The following OXR1 variants were observed in gnomAD, a reference collection of about 807,000 sequenced individuals.
The protein encoded by OXR1 is oxidation resistance protein 1.
In OXR1, 41 loss-of-function variants were observed where a neutral mutation model predicts 104.6. That is an observed-to-expected ratio of 0.39 (90% confidence interval 0.31 to 0.51). The LOEUF is 0.51. Among genes scored for constraint, OXR1 ranks in the 20% least tolerant of loss-of-function variants. The pLI is 0.77. For missense variants in OXR1, 955 were observed against 1,031.9 expected (o/e 0.93, Z 1.02); for synonymous variants, 348 against 348.4 (o/e 1.00, Z 0.01).
chr8:106,494,312 T>C (rs1428383431), intron 2 of OXR1, among the ~76,000 whole-genome samples: 3 of 152,186 alleles, frequency 2.0e-5, no homozygotes, highest in Non-Finnish European at 4.4e-5. Flanking sequence ...TCAGTTTTTG[T>C]AGCATTTGAT....
chr8:106,386,239 A>C (rs1437015044), intron 2 of OXR1, among the ~76,000 whole-genome samples: 2 of 152,184 alleles, frequency 1.3e-5, no homozygotes, highest in Admixed American at 1.3e-4. Context: ...CAAGCCTATA[A>C]AGGGATATTG....
chr8:106,737,469 T>TGGG, intron 11 of OXR1, 51 bp from the exon 12 acceptor site: 1 of 287,526 alleles, frequency 3.5e-6, no homozygotes, highest in Non-Finnish European at 6.3e-6. Flanking sequence ...TTTTTTTTGC[T>TGGG]GTTTTTCTCA....
chr8:106,652,612 A>G (rs983779044), intron 3 of OXR1, among the ~76,000 whole-genome samples: 3 of 151,348 alleles, frequency 2.0e-5, no homozygotes, highest in Non-Finnish European at 4.4e-5. Flanking sequence ...GGACAGAACT[A>G]ATGAGGTATG....
At chr8:106,649,845 C>G (rs1483945100) in intron 3 of OXR1, among the ~76,000 whole-genome samples, 1 of 151,978 alleles carries the variant, frequency 6.6e-6, no homozygotes, top group Non-Finnish European at 1.5e-5. Flanking sequence ...TACAGGCACC[C>G]ACCGCCACGC....
intron 2 of OXR1, among the ~76,000 whole-genome samples, chr8:106,481,783 G>A (rs1021010661): frequency 5.3e-5 from 8 of 151,996 alleles, no homozygotes; most frequent in East Asian, 1.9e-4. Context: ...CTACTAGGTC[G>A]ATATTGTGTC....
intron 1 of OXR1, among the ~76,000 whole-genome samples, chr8:106,344,595 C>T (rs1260104995): frequency 6.6e-6 from 1 of 152,154 alleles, no homozygotes; most frequent in African/African-American, 2.4e-5. Flanking sequence ...CCTCGGCCTC[C>T]CAAAGTGGTG....
chr8:106,736,165 A>ACCCCCCCCCCCCC (rs5893803), intron 11 of OXR1, among the ~76,000 whole-genome samples: 5 of 145,604 alleles, frequency 3.4e-5, no homozygotes, highest in African/African-American at 4.9e-5. Context: ...TTTATCTGAC[A>ACCCCCCCCCCCCC]CCCCCCCCCA....
At chr8:106,449,995 A>C (rs1820225916) in intron 2 of OXR1, among the ~76,000 whole-genome samples, 1 of 152,224 alleles carries the variant, frequency 6.6e-6, no homozygotes, top group Non-Finnish European at 1.5e-5. Flanking sequence ...TTGATATTTC[A>C]TGAAGTCATA....
At chr8:106,721,590 GA>G (rs1437728100) in intron 11 of OXR1, among the ~76,000 whole-genome samples, 2 of 152,050 alleles carry the variant, frequency 1.3e-5, no homozygotes, top group Non-Finnish European at 2.9e-5. Flanking sequence ...TTGGGGTTTT[GA>G]AACAACCTGT....
At chr8:106,301,999 A>G (rs1348355486) in intron 1 of OXR1, among the ~76,000 whole-genome samples, 2 of 152,218 alleles carry the variant, frequency 1.3e-5, no homozygotes, top group African/African-American at 4.8e-5. Flanking sequence ...ACAAAAGTCA[A>G]TTTTGTTAAA....
At chr8:106,368,553 C>T (rs1157246717) in intron 2 of OXR1, among the ~76,000 whole-genome samples, 1 of 150,916 alleles carries the variant, frequency 6.6e-6, no homozygotes, top group Non-Finnish European at 1.5e-5. Context: ...CTCCCCTCAA[C>T]CCCCACCCCC....
At chr8:106,505,600 CCT>C (rs1240720475) in intron 2 of OXR1, among the ~76,000 whole-genome samples, 1 of 152,060 alleles carries the variant, frequency 6.6e-6, no homozygotes, top group Non-Finnish European at 1.5e-5. Context: ...TGAGAGACAA[CCT>C]ACTTAAAATT....
At chr8:106,542,709 G>C (rs1815050523) in intron 3 of OXR1, among the ~76,000 whole-genome samples, 1 of 151,644 alleles carries the variant, frequency 6.6e-6, no homozygotes, top group African/African-American at 2.4e-5. Flanking sequence ...ATATCATGCT[G>C]TTAGCAATAA....
At chr8:106,644,310 A>T (rs190480114) in intron 3 of OXR1, among the ~76,000 whole-genome samples, 2 of 152,354 alleles carry the variant, frequency 1.3e-5, no homozygotes, top group African/African-American at 4.8e-5. Flanking sequence ...TGAAAAGCAA[A>T]ATCATTAACA....
chr8:106,722,417 T>G (rs1316252479), intron 11 of OXR1, among the ~76,000 whole-genome samples: 1 of 152,036 alleles, frequency 6.6e-6, no homozygotes, highest in Non-Finnish European at 1.5e-5. Context: ...AAAAAAGAAA[T>G]CAGAAGGATT....
intron 2 of OXR1, among the ~76,000 whole-genome samples, chr8:106,456,953 G>C (rs1176791410): frequency 6.6e-6 from 1 of 152,140 alleles, no homozygotes; most frequent in African/African-American, 2.4e-5. Flanking sequence ...TCATCAAATT[G>C]ACCTTTAATT....
In OXR1 at chr8:106,658,196, C is replaced by G. The variant is rs375464002; in HGVS notation, c.221-21014C>G. On this transcript the variant is annotated intron_variant, in intron 3 of 16. Transcript: ENST00000517566. Reference sequence around the variant, plus strand: ...GCCCGGAGGGACCTGGTGAGCCCACCTTTCTTTCGCCTCCCGCGCGGCCGA... The same window carrying G: ...GCCCGGAGGGACCTGGTGAGCCCACGTTTCTTTCGCCTCCCGCGCGGCCGA... 33 of 1,237,288 alleles carry G rather than the reference C, an allele frequency of 2.7e-5. 1 individual carries two copies. In the African/African-American group the frequency reaches 3.6e-4, roughly 13 times the overall value. The allele number at this position is 1,237,288 out of a possible 1,614,324, so 76.6% of individuals were successfully genotyped here. A position where few individuals can be genotyped will look rare whatever the true frequency, so the allele number is the denominator to read the frequency against.
chr8:106,505,723 A>C (rs1330870348), intron 2 of OXR1, among the ~76,000 whole-genome samples: 1 of 152,188 alleles, frequency 6.6e-6, no homozygotes, highest in Non-Finnish European at 1.5e-5. Context: ...ACAGAAAGAG[A>C]TTCACATATT....
intron 7 of OXR1, chr8:106,697,400 G>T: frequency 2.2e-6 from 3 of 1,380,406 alleles, no homozygotes; most frequent in South Asian, 1.3e-5. Flanking sequence ...TCGTGGGAGG[G>T]CAGGGGCAAG....
Sources: gnomAD v4.1 joint callset for allele counts (sites outside exome capture counted in the v4.1 genomes callset) on GRCh38, gnomAD v4.1.1 for gene constraint, MANE v1.5 for transcripts, NCBI Gene and HGNC (gene_info 2026-07-23, HGNC 2026-07-21) for gene names.